PAPPA2: variants seen among roughly 807,000 people sequenced by gnomAD.
PAPPA2 encodes pappalysin-2.
A neutral mutation model predicts 176.4 loss-of-function variants in PAPPA2; 86 were observed. The ratio of observed to expected loss-of-function variants is 0.49; its 90% CI spans 0.41 to 0.58. The LOEUF (loss-of-function observed/expected upper bound fraction) is 0.58, where lower values mean the gene tolerates loss of function less well. PAPPA2 is among the 20% of genes least tolerant of loss of function. The pLI, the probability that PAPPA2 is intolerant of heterozygous loss-of-function variation, is 0.00. For synonymous variants in PAPPA2, 809 were observed against 852.2 expected (o/e 0.95, Z 0.88); for missense variants, 2,073 against 2,256.9 (o/e 0.92, Z 1.65).
intron 17 of PAPPA2, among the ~76,000 whole-genome samples, chr1:176,789,486 G>C (rs926234865): frequency 1.3e-5 from 2 of 151,732 alleles, no homozygotes; most frequent in African/African-American, 4.8e-5. Context: ...ACACCAGCAT[G>C]GTACATGTAT....
At chr1:176,545,940 T>G (rs978174076) in intron 1 of PAPPA2, among the ~76,000 whole-genome samples, 6 of 152,104 alleles carry the variant, frequency 3.9e-5, no homozygotes, top group Non-Finnish European at 8.8e-5. Flanking sequence ...GTAATTTCTT[T>G]GGATTCTTTT....
intron 4 of PAPPA2, 35 bp downstream of exon 4, chr1:176,671,150 A>C: frequency 6.2e-7 from 1 of 1,605,284 alleles, no homozygotes; most frequent in Non-Finnish European, 8.5e-7. Flanking sequence ...AGTAGGAAAA[A>C]AACAAAGAAG....
In PAPPA2 at chr1:176,671,132, C is replaced by T. The variant is rs1381051461; in HGVS notation, c.2137+17C>T. 1 of 1,611,018 alleles carries T rather than the reference C, an allele frequency of 6.2e-7. No individual in the cohort carries two copies. The highest frequency in any genetic ancestry group is 8.5e-7 in the Non-Finnish European group (1 of 1,178,880). On this transcript the variant is annotated intron_variant, in intron 4 of 22. Coordinates refer to ENST00000367662, the MANE Select transcript of PAPPA2 (RefSeq NM_020318.3). ...CTCACCTGGGTAAGTGAAATGAAGA[C>T]CAAACATAGTAGGAAAAAAACAAAG...
chr1:176,541,116 G>A (rs1467276141), intron 1 of PAPPA2, among the ~76,000 whole-genome samples: 2 of 152,184 alleles, frequency 1.3e-5, no homozygotes, highest in African/African-American at 2.4e-5. Context: ...CTTCCTGGAT[G>A]ATATTTAGAA....
chr1:176,638,939 CGTGTGTGTGTGT>C (rs34264749), intron 3 of PAPPA2, among the ~76,000 whole-genome samples: 1 of 143,028 alleles, frequency 7.0e-6, no homozygotes, highest in African/African-American at 2.6e-5. Flanking sequence ...TGTGCATGTG[CGTGTGTGTGTGT>C]GTGTGTGTGT....
At chr1:176,731,732 C>T (rs1558548897) in intron 12 of PAPPA2, among the ~76,000 whole-genome samples, 41 of 149,542 alleles carry the variant, frequency 2.7e-4, no homozygotes, top group African/African-American at 9.2e-4. Context: ...TATATGTGTA[C>T]ATATACATGC....
chr1:176,749,639 C>T (rs575637096), intron 14 of PAPPA2, among the ~76,000 whole-genome samples: 29 of 152,330 alleles, frequency 1.9e-4, no homozygotes, highest in African/African-American at 7.0e-4. Context: ...AAACTTCTCA[C>T]AACCATTAAT....
In PAPPA2 at chr1:176,734,680, T is replaced by A. The variant is rs1159711253; in HGVS notation, c.3799-4946T>A. Among the ~76,000 whole-genome samples, 3 of 152,228 alleles carry A rather than the reference T, an allele frequency of 2.0e-5. No homozygotes were observed. The East Asian group carries it at 5.8e-4, about 29-fold the overall frequency. ...TCCCTTGAAACTTTGATTATTAAAC[T>A]CTTCCTCGACAAAATTTCAGAAGTC... On this transcript the variant is annotated intron_variant, in intron 12 of 22. Transcript: ENST00000367662.
intron 1 of PAPPA2, among the ~76,000 whole-genome samples, chr1:176,477,482 C>T (rs1276509048): frequency 6.6e-6 from 1 of 152,192 alleles, no homozygotes; most frequent in African/African-American, 2.4e-5. Flanking sequence ...TGCAGTGGCT[C>T]ACGCCTGTAA....
At chr1:176,513,038 A>G (rs1667512518) in intron 1 of PAPPA2, among the ~76,000 whole-genome samples, 1 of 152,178 alleles carries the variant, frequency 6.6e-6, no homozygotes, top group South Asian at 2.1e-4. Flanking sequence ...TTATACCATC[A>G]GCTCTCTTGC....
chr1:176,578,330 A>G (rs1652769088), intron 2 of PAPPA2, among the ~76,000 whole-genome samples: 1 of 152,200 alleles, frequency 6.6e-6, no homozygotes, highest in Admixed American at 6.5e-5. Context: ...GGGGAAAATC[A>G]ACCACATGTA....
At chr1:176,524,698 T>G (rs1313506744) in intron 1 of PAPPA2, among the ~76,000 whole-genome samples, 1 of 152,146 alleles carries the variant, frequency 6.6e-6, no homozygotes, top group Non-Finnish European at 1.5e-5. Flanking sequence ...GTCTGGTTCT[T>G]TCTTATGGAG....
intron 1 of PAPPA2, among the ~76,000 whole-genome samples, chr1:176,502,808 C>T (rs1029493703): frequency 6.6e-6 from 1 of 152,130 alleles, no homozygotes; most frequent in Non-Finnish European, 1.5e-5. Context: ...GGACTTCCAA[C>T]ATTTAATTTG....
chr1:176,484,477 G>A (rs921224564), intron 1 of PAPPA2, among the ~76,000 whole-genome samples: 1 of 152,052 alleles, frequency 6.6e-6, no homozygotes, highest in African/African-American at 2.4e-5. Flanking sequence ...TTTTCATTAT[G>A]CATATGTTAC....
chr1:176,650,382 C>A (rs567642985), intron 3 of PAPPA2, among the ~76,000 whole-genome samples: 1 of 150,498 alleles, frequency 6.6e-6, no homozygotes, highest in African/African-American at 2.4e-5. Context: ...TCAAGACAAT[C>A]ATTTCTATTT....
intron 1 of PAPPA2, among the ~76,000 whole-genome samples, chr1:176,486,839 G>A (rs72715182): frequency 0.045 from 6,889 of 152,240 alleles, 254 homozygotes; most frequent in Non-Finnish European, 0.069. Flanking sequence ...TGGAGAGCCC[G>A]TGAGGACTTC....
Position 176,569,080 on chromosome 1 carries a change from A to T in PAPPA2, c.919+11839A>T, listed in dbSNP as rs540844867. The stretch of plus-strand genomic sequence containing the variant: ...TGTGTACACATGCATGCACATATAT[A>T]CAAGCACACTCACACAAACTTGCAC... On this transcript the variant is annotated intron_variant, in intron 2 of 22. Transcript: ENST00000367662. 1.0e-3 allele frequency among the ~76,000 whole-genome samples: 157 copies of T among 152,316 alleles called. 1 individual carries two copies. The highest frequency in any genetic ancestry group is 3.9e-3 in the South Asian group (19 of 4,830).
chr1:176,730,356 G>C (rs1287587594), intron 12 of PAPPA2, among the ~76,000 whole-genome samples: 1 of 151,460 alleles, frequency 6.6e-6, no homozygotes, highest in Admixed American at 6.6e-5. Flanking sequence ...GTTATTTCCA[G>C]AAATTTATTA....
intron 3 of PAPPA2, among the ~76,000 whole-genome samples, chr1:176,642,766 A>T (rs997074037): frequency 6.6e-6 from 1 of 151,952 alleles, no homozygotes; most frequent in African/African-American, 2.4e-5. Context: ...AGAAAGGATC[A>T]CTGTCAAGTT....
Sources: gnomAD v4.1 joint callset for allele counts (sites outside exome capture counted in the v4.1 genomes callset) on GRCh38, gnomAD v4.1.1 for gene constraint, MANE v1.5 for transcripts, NCBI Gene and HGNC (gene_info 2026-07-23, HGNC 2026-07-21) for gene names.